HCN1: variants seen among roughly 807,000 people sequenced by gnomAD.
HCN1 encodes potassium/sodium hyperpolarization-activated cyclic nucleotide-gated channel 1.
HCN1 carries 13 observed loss-of-function variants against 78.9 expected under a neutral mutation model. That is an observed-to-expected ratio of 0.16 (90% CI 0.11 to 0.26). The LOEUF is 0.26. Among genes scored for constraint, HCN1 ranks in the 10% least tolerant of loss-of-function variants. The pLI is 1.00. For synonymous variants in HCN1, 552 were observed against 455.5 expected (o/e 1.21, Z -2.70); for missense variants, 810 against 1,154.3 (o/e 0.70, Z 4.32).
intron 4 of HCN1, among the ~76,000 whole-genome samples, chr5:45,363,834 A>C (rs1365719668): frequency 6.6e-6 from 1 of 151,940 alleles, no homozygotes; most frequent in African/African-American, 2.4e-5. Context: ...CATGATTCTG[A>C]AGCCTTCTCA....
chr5:45,375,402 T>G (rs1039385656), intron 4 of HCN1, among the ~76,000 whole-genome samples: 18 of 122,016 alleles, frequency 1.5e-4, no homozygotes, highest in East Asian at 1.1e-3. Flanking sequence ...TGATACATAT[T>G]ATATATAAGA....
chr5:45,492,742 T>C (rs1741915726), intron 2 of HCN1, among the ~76,000 whole-genome samples: 1 of 152,052 alleles, frequency 6.6e-6, no homozygotes, highest in African/African-American at 2.4e-5. Flanking sequence ...CCTCAGGTGA[T>C]CCACCAGCCT....
intron 2 of HCN1, among the ~76,000 whole-genome samples, chr5:45,553,417 G>A (rs530506283): frequency 3.3e-5 from 5 of 151,890 alleles, no homozygotes; most frequent in African/African-American, 7.2e-5. Flanking sequence ...CTATAAATGC[G>A]TATACTGTTT....
At chr5:45,647,344 T>C (rs1371706386) in intron 1 of HCN1, among the ~76,000 whole-genome samples, 1 of 152,122 alleles carries the variant, frequency 6.6e-6, no homozygotes, top group Non-Finnish European at 1.5e-5. Context: ...TTGTAACAGC[T>C]ATTTCACAAA....
At chr5:45,313,586 G>T (rs1271401016) in intron 5 of HCN1, among the ~76,000 whole-genome samples, 2 of 152,104 alleles carry the variant, frequency 1.3e-5, no homozygotes, top group Non-Finnish European at 2.9e-5. Flanking sequence ...AGGAGGAAGT[G>T]CAAATCCACC....
chr5:45,324,437 CA>C (rs1746195482), intron 5 of HCN1, among the ~76,000 whole-genome samples: 1 of 151,890 alleles, frequency 6.6e-6, no homozygotes, highest in Non-Finnish European at 1.5e-5. Context: ...AAATGCAAAT[CA>C]AAACCACAAT....
At chr5:45,660,469 T>G (rs1402836273) in intron 1 of HCN1, among the ~76,000 whole-genome samples, 1 of 145,322 alleles carries the variant, frequency 6.9e-6, no homozygotes, top group Non-Finnish European at 1.5e-5. Flanking sequence ...ACTTTAAATA[T>G]AAATGGACTA....
chr5:45,527,915 C>G (rs1432722859), intron 2 of HCN1, among the ~76,000 whole-genome samples: 2 of 142,904 alleles, frequency 1.4e-5, no homozygotes, highest in African/African-American at 2.6e-5. Flanking sequence ...CAAACTGTGT[C>G]TGATTCTAAA....
chr5:45,439,502 T>C (rs956736281), intron 3 of HCN1, among the ~76,000 whole-genome samples: 4 of 152,156 alleles, frequency 2.6e-5, no homozygotes, highest in African/African-American at 4.8e-5. Flanking sequence ...TAATGAATGA[T>C]GGGTTAAAAC....
chr5:45,332,826 T>A (rs1746373249), intron 5 of HCN1, among the ~76,000 whole-genome samples: 1 of 151,804 alleles, frequency 6.6e-6, no homozygotes, highest in Non-Finnish European at 1.5e-5. Flanking sequence ...GATCTCATTT[T>A]TTTTTATGGC....
chr5:45,552,882 A>G (rs368931512), intron 2 of HCN1, among the ~76,000 whole-genome samples: 2 of 151,946 alleles, frequency 1.3e-5, no homozygotes, highest in African/African-American at 4.8e-5. Context: ...AGACACTGGG[A>G]ATACGAAATC....
intron 5 of HCN1, among the ~76,000 whole-genome samples, chr5:45,318,346 T>C (rs1478338779): frequency 6.6e-6 from 1 of 151,934 alleles, no homozygotes; most frequent in Non-Finnish European, 1.5e-5. Flanking sequence ...TTCTCACTCA[T>C]AGGTGGGAAT....
At chr5:45,557,738 T>C (rs1743501591) in intron 2 of HCN1, among the ~76,000 whole-genome samples, 1 of 152,140 alleles carries the variant, frequency 6.6e-6, no homozygotes. Context: ...ATGTTACTAA[T>C]GTAATTTCTT....
chr5:45,633,604 T>C (rs2112014859), intron 2 of HCN1, among the ~76,000 whole-genome samples: 1 of 152,090 alleles, frequency 6.6e-6, no homozygotes, highest in East Asian at 1.9e-4. Flanking sequence ...AAAATACAAA[T>C]TTTCTTTTAG....
rs759233600 is a variant in HCN1 at position 45,258,024 on chromosome 5, A to T, written c.*3897T>A. The T allele has an allele frequency of 1.3e-5, 2 of 151,978 alleles. No homozygotes were observed. Among genetic ancestry groups the T allele is most frequent in the Non-Finnish European group, 2.9e-5 (2 of 68,034 alleles). 9.4% of individuals were successfully genotyped at this position (151,978 alleles called of 1,614,324 possible). ...TGTAGTGCATATGAACAAAATAACC[A>T]CATGGGTTTTATGGCACATGTTCTA... is the stretch of plus-strand genomic sequence containing the variant. On this transcript the variant is annotated 3_prime_UTR_variant, in exon 8 of 8. Coordinates refer to ENST00000303230, the MANE Select transcript of HCN1 (RefSeq NM_021072.4).
At chr5:45,653,566 C>A (rs545164878) in intron 1 of HCN1, among the ~76,000 whole-genome samples, 7 of 151,732 alleles carry the variant, frequency 4.6e-5, no homozygotes, top group Non-Finnish European at 7.4e-5. Flanking sequence ...TTAGTATCTG[C>A]GTTAATGATT....
At position 45,499,541 on chromosome 5, in the gene HCN1, C is replaced by T. The variant is rs573595202; in HGVS notation, c.850-37534G>A. Among the ~76,000 whole-genome samples the T allele has an allele frequency of 1.4e-4, 21 of 152,296 alleles. No homozygotes were observed. In the South Asian group the frequency reaches 4.3e-3, roughly 32 times the overall value. On this transcript the variant is annotated intron_variant, in intron 2 of 7. Transcript: ENST00000303230. The stretch of plus-strand genomic sequence containing the variant: ...ACCTCAGATGGAAATGCAGAAATCA[C>T]CCGTCTTCTGCGTCGCTTACGCTGG...
Position 45,372,258 on chromosome 5 carries a change from T to TTATATATATATTTATATATATAATATATA in HCN1, c.1231-19013_1231-19012insTATATATTATATATATAAATATATATATA, listed in dbSNP as rs1561128227. ...TATTATATTTTATATATAATATATA[T>TTATATATATATTTATATATATAATATATA]TTATATATATATTTATATATATAAT... is the stretch of plus-strand genomic sequence containing the variant. On this transcript the variant is annotated intron_variant, in intron 4 of 7. Coordinates refer to ENST00000303230, the MANE Select transcript of HCN1 (RefSeq NM_021072.4). 2.4e-4 allele frequency among the ~76,000 whole-genome samples: 12 copies of TTATATATATATTTATATATATAATATATA among 50,268 alleles called. No individual in the cohort carries two copies. The South Asian group carries it at 6.3e-3, about 26-fold the overall frequency. The allele number at this position is 50,268 out of a possible 152,430, so 33.0% of individuals were successfully genotyped here.
Position 45,494,955 on chromosome 5 carries a change from C to G in HCN1, c.850-32948G>C, listed in dbSNP as rs1328570571. Among the ~76,000 whole-genome samples the G allele has an allele frequency of 6.2e-4, 91 of 146,720 alleles. 1 individual carries two copies. The highest frequency in any genetic ancestry group is 4.5e-3 in the East Asian group (22 of 4,904). ...GAGGGCTCTGTTCTGTTCCATTGAT[C>G]TATATCTCTGTTTTGGTACCAGTAC... On this transcript the variant is annotated intron_variant, in intron 2 of 7. Transcript: ENST00000303230.
Sources: gnomAD v4.1 joint callset for allele counts (sites outside exome capture counted in the v4.1 genomes callset) on GRCh38, gnomAD v4.1.1 for gene constraint, MANE v1.5 for transcripts, NCBI Gene and HGNC (gene_info 2026-07-23, HGNC 2026-07-21) for gene names.